MAGI3: variants seen among roughly 807,000 people sequenced by gnomAD.
The protein encoded by MAGI3 is membrane-associated guanylate kinase, WW and PDZ domain-containing protein 3.
Under a neutral mutation model 121.8 loss-of-function variants are expected in MAGI3, and 43 were observed. The ratio of observed to expected loss-of-function variants is 0.35; its 90% CI spans 0.28 to 0.46. The LOEUF (loss-of-function observed/expected upper bound fraction) is 0.46. MAGI3 is among the 20% of genes least tolerant of loss of function. The pLI, the probability that MAGI3 is intolerant of heterozygous loss-of-function variation, is 1.00. For missense variants in MAGI3, 1,547 were observed against 1,797.3 expected (o/e 0.86, Z 2.52); for synonymous variants, 553 against 639.3 (o/e 0.86, Z 2.04).
chr1:113,534,169 G>A (rs1341372116), intron 1 of MAGI3, among the ~76,000 whole-genome samples: 2 of 152,138 alleles, frequency 1.3e-5, no homozygotes, highest in Non-Finnish European at 2.9e-5. Context: ...TCTACTGCCA[G>A]TATTAATTGG....
chr1:113,467,590 T>G (rs1655351949), intron 1 of MAGI3, among the ~76,000 whole-genome samples: 1 of 152,172 alleles, frequency 6.6e-6, no homozygotes, highest in Admixed American at 6.5e-5. Flanking sequence ...TGGAGCACAG[T>G]GGTATGGTCA....
chr1:113,675,236 G>C (rs114987393), intron 19 of MAGI3, among the ~76,000 whole-genome samples: 2 of 152,150 alleles, frequency 1.3e-5, no homozygotes, highest in African/African-American at 4.8e-5. Context: ...CAGTGGTAGT[G>C]GTGGGAGTAT....
chr1:113,399,798 T>G (rs1369263892), intron 1 of MAGI3, among the ~76,000 whole-genome samples: 1 of 152,124 alleles, frequency 6.6e-6, no homozygotes, highest in Non-Finnish European at 1.5e-5. Context: ...GAGAAAAATA[T>G]TATTAGCCTA....
intron 1 of MAGI3, among the ~76,000 whole-genome samples, chr1:113,413,135 A>G (rs1379489781): frequency 6.6e-6 from 1 of 152,154 alleles, no homozygotes; most frequent in Non-Finnish European, 1.5e-5. Context: ...TACATAGGGA[A>G]TCCTTTCCCC....
chr1:113,456,347 T>G (rs1324200655), intron 1 of MAGI3, among the ~76,000 whole-genome samples: 1 of 152,182 alleles, frequency 6.6e-6, no homozygotes, highest in Non-Finnish European at 1.5e-5. Flanking sequence ...CTAAGTTGTT[T>G]CACAGACACA....
At chr1:113,597,848 A>G (rs1029250504) in intron 6 of MAGI3, among the ~76,000 whole-genome samples, 2 of 152,222 alleles carry the variant, frequency 1.3e-5, no homozygotes, top group East Asian at 3.8e-4. Context: ...CCTACAAGAT[A>G]TGGTAAAAGG....
Position 113,443,650 on chromosome 1 carries a change from T to A in MAGI3, c.316+52301T>A, listed in dbSNP as rs564822860. On this transcript the variant is annotated intron_variant, in intron 1 of 20. Transcript: ENST00000307546. ...TAACTGGTACAATCCCATCCGTAGT[T>A]TTTGTTTTAGTTTGCAACTTTTCTT... Among the ~76,000 whole-genome samples, 3 of 152,338 alleles carry A rather than the reference T, an allele frequency of 2.0e-5. No individual in the cohort carries two copies. The South Asian group carries it at 6.2e-4, about 32-fold the overall frequency.
chr1:113,663,617 C>T (rs1222408174), intron 16 of MAGI3, among the ~76,000 whole-genome samples: 2 of 152,160 alleles, frequency 1.3e-5, no homozygotes, highest in African/African-American at 4.8e-5. Flanking sequence ...ATTTGATAGA[C>T]ATTTCAGTTG....
intron 12 of MAGI3, among the ~76,000 whole-genome samples, 197 bp downstream of exon 12, chr1:113,646,839 AG>A (rs1287085642): frequency 6.6e-6 from 1 of 152,190 alleles, no homozygotes; most frequent in East Asian, 1.9e-4. Flanking sequence ...TTTAAGTGCT[AG>A]TTATCTACCA....
At position 113,396,636 on chromosome 1, in the gene MAGI3, A is replaced by G. The variant is rs74553227; in HGVS notation, c.316+5287A>G. On this transcript the variant is annotated intron_variant, in intron 1 of 20. Transcript: ENST00000307546. ...ATTATTCAGAATGTTTTCCAAGAAAAGATGCATATTTTATTTAATACAGAA... is the reference window on the plus strand; with the variant it reads ...ATTATTCAGAATGTTTTCCAAGAAAGGATGCATATTTTATTTAATACAGAA... 5.0e-4 allele frequency among the ~76,000 whole-genome samples: 76 copies of G among 152,326 alleles called. 1 individual carries two copies. The highest frequency in any genetic ancestry group is 2.3e-3 in the East Asian group (12 of 5,192).
At chr1:113,544,465 A>G (rs1659437974) in intron 1 of MAGI3, among the ~76,000 whole-genome samples, 1 of 152,356 alleles carries the variant, frequency 6.6e-6, no homozygotes, top group East Asian at 1.9e-4. Flanking sequence ...TATAGCATCT[A>G]TGGCTGTGAT....
At position 113,669,650 on chromosome 1, in the gene MAGI3, CT is replaced by C. The variant is rs1171138028; in HGVS notation, c.2816-2083del. Among the ~76,000 whole-genome samples, 5 of 152,336 alleles carry C rather than the reference CT, an allele frequency of 3.3e-5. No individual in the cohort carries two copies. The South Asian group carries it at 1.0e-3, about 32-fold the overall frequency. ...GTTCAAACGATTCTCCTGCCTCAGC[CT>C]CCCAAGTAGCTGGGACTACAGGCAC... On this transcript the variant is annotated intron_variant, in intron 16 of 20. Transcript: ENST00000307546.
chr1:113,525,601 A>G (rs1404838357), intron 1 of MAGI3, among the ~76,000 whole-genome samples: 2 of 151,950 alleles, frequency 1.3e-5, no homozygotes, highest in Non-Finnish European at 2.9e-5. Flanking sequence ...TATTAAATGA[A>G]GGCTACATTT....
At chr1:113,454,245 GTCT>G (rs1029131506) in intron 1 of MAGI3, among the ~76,000 whole-genome samples, 2 of 152,090 alleles carry the variant, frequency 1.3e-5, no homozygotes, top group Admixed American at 6.6e-5. Flanking sequence ...AGTTTTCAGG[GTCT>G]TCTTCCTTTA....
intron 6 of MAGI3, among the ~76,000 whole-genome samples, chr1:113,598,158 GC>G (rs1649135626): frequency 1.3e-5 from 2 of 152,142 alleles, no homozygotes; most frequent in South Asian, 4.2e-4. Context: ...GTTGCAGTTA[GC>G]CAAGATTGCA....
chr1:113,449,040 C>T (rs1654326757), intron 1 of MAGI3, among the ~76,000 whole-genome samples: 1 of 151,626 alleles, frequency 6.6e-6, no homozygotes, highest in South Asian at 2.1e-4. Flanking sequence ...ATTGCTTGAA[C>T]CTGGGAGGCA....
chr1:113,545,019 G>A (rs963937482), intron 1 of MAGI3, among the ~76,000 whole-genome samples: 3 of 149,790 alleles, frequency 2.0e-5, no homozygotes, highest in South Asian at 2.2e-4. Context: ...AGGTATAATC[G>A]TAGGGTTATT....
At chr1:113,596,230 G>GT (rs1245121247) in intron 6 of MAGI3, among the ~76,000 whole-genome samples, 1 of 152,122 alleles carries the variant, frequency 6.6e-6, no homozygotes, top group Non-Finnish European at 1.5e-5. Context: ...ACAAAATAGA[G>GT]AGTCTAGAAA....
intron 1 of MAGI3, among the ~76,000 whole-genome samples, chr1:113,489,520 C>A (rs1482547129): frequency 2.0e-5 from 3 of 152,016 alleles, no homozygotes; most frequent in Non-Finnish European, 2.9e-5. Flanking sequence ...TCCGTTCCAG[C>A]AAGGATTCTG....
Sources: gnomAD v4.1 joint callset for allele counts (sites outside exome capture counted in the v4.1 genomes callset) on GRCh38, gnomAD v4.1.1 for gene constraint, MANE v1.5 for transcripts, NCBI Gene and HGNC (gene_info 2026-07-23, HGNC 2026-07-21) for gene names.